Variants in UCHL3 observed in about 807,000 individuals in gnomAD.
UCHL3 encodes the protein ubiquitin carboxyl-terminal hydrolase isozyme L3.
In UCHL3, 22 loss-of-function variants were observed where a neutral mutation model predicts 35.8. The ratio of observed to expected loss-of-function variants is 0.61; its 90% CI spans 0.44 to 0.88. The LOEUF is 0.88. Ranked by LOEUF, UCHL3 falls within the 40% of genes least tolerant of loss-of-function variation. The pLI is 0.00. For synonymous variants in UCHL3, 90 were observed against 92.8 expected (o/e 0.97, Z 0.17); for missense variants, 229 against 276.9 (o/e 0.83, Z 1.23).
intron 3 of UCHL3, among the ~76,000 whole-genome samples, chr13:75,562,376 A>G (rs2031546656): frequency 6.6e-6 from 1 of 152,130 alleles, no homozygotes; most frequent in South Asian, 2.1e-4. Context: ...ACCCCTACAC[A>G]ATGGTAAGGT....
chr13:75,593,997 TTG>T (rs1405417947), intron 6 of UCHL3, among the ~76,000 whole-genome samples: 14 of 152,204 alleles, frequency 9.2e-5, no homozygotes, highest in Admixed American at 9.2e-4. Context: ...CCTTTAAAAT[TTG>T]TGCTCTATTT....
At chr13:75,602,977 T>C (rs1474698366) in intron 7 of UCHL3, among the ~76,000 whole-genome samples, 2 of 152,060 alleles carry the variant, frequency 1.3e-5, no homozygotes, top group Admixed American at 1.3e-4. Context: ...TTTTTGTTTT[T>C]ATTTTATTAT....
chr13:75,597,867 A>T (rs1012991725), intron 7 of UCHL3, among the ~76,000 whole-genome samples: 2 of 152,168 alleles, frequency 1.3e-5, no homozygotes, highest in African/African-American at 4.8e-5. Flanking sequence ...CCCTACTCTA[A>T]TAAATTGTAA....
At chr13:75,586,766 C>G (rs1449943576) in intron 6 of UCHL3, among the ~76,000 whole-genome samples, 1 of 151,710 alleles carries the variant, frequency 6.6e-6, no homozygotes, top group Admixed American at 6.6e-5. Context: ...TAGTACACTT[C>G]TAAATAATTC....
At chr13:75,596,285 AT>A (rs2032644417) in intron 7 of UCHL3, among the ~76,000 whole-genome samples, 1 of 152,214 alleles carries the variant, frequency 6.6e-6, no homozygotes, top group Non-Finnish European at 1.5e-5. Flanking sequence ...TACTAGAGTG[AT>A]TTGAGGAGTA....
rs1323457082 is a variant in UCHL3 at position 75,590,203 on chromosome 13, G to A, written c.475-4712G>A. 54 of 1,199,270 alleles carry A rather than the reference G, an allele frequency of 4.5e-5. 1 individual carries two copies. Among genetic ancestry groups the A allele is most frequent in the East Asian group, 5.8e-5 (1 of 17,344 alleles). 74.3% of individuals were successfully genotyped at this position (1,199,270 alleles called of 1,614,324 possible). On this transcript the variant is annotated intron_variant, in intron 6 of 8. Coordinates refer to ENST00000377595, the MANE Select transcript of UCHL3 (RefSeq NM_006002.5). ...TTTTTTTTTTTTTTTTCTTAACTTC[G>A]GTCTTCAGAGTGCTTTTCTCTTGGT...
At chr13:75,598,817 C>T (rs969879026) in intron 7 of UCHL3, among the ~76,000 whole-genome samples, 3 of 152,144 alleles carry the variant, frequency 2.0e-5, no homozygotes, top group African/African-American at 7.2e-5. Flanking sequence ...CCAGATTTTG[C>T]ATCCATTGAT....
intron 2 of UCHL3, among the ~76,000 whole-genome samples, chr13:75,555,557 G>A (rs1217586704): frequency 6.6e-6 from 1 of 152,078 alleles, no homozygotes; most frequent in East Asian, 1.9e-4. Context: ...ATGCGGTCAT[G>A]AATCCTTTGC....
intron 6 of UCHL3, among the ~76,000 whole-genome samples, chr13:75,592,456 A>ATGTATATATG (rs2032532596): frequency 8.4e-6 from 1 of 119,074 alleles, no homozygotes; most frequent in Admixed American, 8.9e-5. Context: ...ATATATATAT[A>ATGTATATATG]TATATATATA....
intron 6 of UCHL3, among the ~76,000 whole-genome samples, chr13:75,573,989 G>A (rs972164429): frequency 1.4e-4 from 21 of 152,102 alleles, no homozygotes; most frequent in Non-Finnish European, 2.6e-4. Flanking sequence ...AGGCCGAGGC[G>A]GGCAGATCAC....
intron 2 of UCHL3, among the ~76,000 whole-genome samples, chr13:75,559,322 G>C (rs1455645924): frequency 1.3e-5 from 2 of 152,076 alleles, no homozygotes; most frequent in Non-Finnish European, 2.9e-5. Context: ...TTACAGGCGT[G>C]AGCCACCGCG....
chr13:75,556,548 A>G (rs1439040647), intron 2 of UCHL3, among the ~76,000 whole-genome samples: 1 of 152,224 alleles, frequency 6.6e-6, no homozygotes, highest in African/African-American at 2.4e-5. Context: ...AGGAAAGTGA[A>G]TTTTATCTAT....
At chr13:75,600,802 A>T (rs1326588331) in intron 7 of UCHL3, among the ~76,000 whole-genome samples, 6 of 152,244 alleles carry the variant, frequency 3.9e-5, no homozygotes, top group Non-Finnish European at 8.8e-5. Context: ...TATTTAAGAA[A>T]TACAGTTTGT....
chr13:75,575,091 A>C (rs2031979808), intron 6 of UCHL3, among the ~76,000 whole-genome samples: 1 of 152,156 alleles, frequency 6.6e-6, no homozygotes, highest in African/African-American at 2.4e-5. Flanking sequence ...TTTTCATGGG[A>C]ATGGAGGAGG....
At chr13:75,553,341 C>T (rs542409692) in intron 2 of UCHL3, among the ~76,000 whole-genome samples, 4 of 152,130 alleles carry the variant, frequency 2.6e-5, no homozygotes, top group South Asian at 2.1e-4. Flanking sequence ...TGTACCATTT[C>T]GTAGTAACTT....
At chr13:75,604,881 C>T in intron 8 of UCHL3, 54 bp downstream of exon 8, 1 of 1,461,482 alleles carries the variant, frequency 6.8e-7, no homozygotes, top group Non-Finnish European at 9.4e-7. Context: ...ATCTTTAAAA[C>T]ATCTCTAAAG....
chr13:75,589,994 A>G (rs913995204), intron 6 of UCHL3: 3 of 1,304,862 alleles, frequency 2.3e-6, no homozygotes, highest in Admixed American at 2.3e-5. Context: ...CGAAGGCCTC[A>G]TCATTGTGTC....
chr13:75,600,859 TA>T, intron 7 of UCHL3, among the ~76,000 whole-genome samples: 1 of 152,322 alleles, frequency 6.6e-6, no homozygotes, highest in East Asian at 1.9e-4. Context: ...CTGAGAATAG[TA>T]AATTGGAAAC....
intron 3 of UCHL3, among the ~76,000 whole-genome samples, chr13:75,563,732 C>T (rs1339204020): frequency 6.6e-6 from 1 of 152,066 alleles, no homozygotes; most frequent in Non-Finnish European, 1.5e-5. Flanking sequence ...TGTCCTTTGA[C>T]CTACATCACA....
Sources: allele counts gnomAD v4.1 joint callset (sites outside exome capture counted in the v4.1 genomes callset), GRCh38; gene constraint gnomAD v4.1.1; transcripts MANE v1.5; gene names NCBI Gene and HGNC (gene_info 2026-07-23, HGNC 2026-07-21).